RALYL: variants seen among roughly 807,000 people sequenced by gnomAD.
RALYL encodes RALY RNA binding protein like, also known as RNA-binding Raly-like protein.
In RALYL, 29 loss-of-function variants were observed where a neutral mutation model predicts 35.1. The observed-to-expected ratio is 0.83, with a 90% CI of 0.61 to 1.13. RALYL has a LOEUF of 1.13. RALYL is among the 50% of genes most tolerant of loss of function. The probability of loss-of-function intolerance (pLI) is 0.00; values close to 1 mark genes in which losing one functional copy is unlikely to be tolerated. For missense variants in RALYL, 359 were observed against 360.4 expected (o/e 1.00, Z 0.03); for synonymous variants, 120 against 127.6 (o/e 0.94, Z 0.40).
intron 2 of RALYL, among the ~76,000 whole-genome samples, chr8:84,615,570 C>CTTTTTTTTTTTT (rs60428128): frequency 2.6e-3 from 175 of 67,296 alleles, no homozygotes; most frequent in Middle Eastern, 0.011. Context: ...GAACTTTCGT[C>CTTTTTTTTTTTT]TTTTTTTTTT....
At chr8:84,761,100 C>A (rs1812584010) in intron 2 of RALYL, among the ~76,000 whole-genome samples, 1 of 152,032 alleles carries the variant, frequency 6.6e-6, no homozygotes. Context: ...AATAGGGAAT[C>A]TCTTCCATTT....
At chr8:84,340,939 A>G (rs898432971) in intron 1 of RALYL, among the ~76,000 whole-genome samples, 1 of 152,082 alleles carries the variant, frequency 6.6e-6, no homozygotes, top group Non-Finnish European at 1.5e-5. Flanking sequence ...CCAATACTGT[A>G]TAATGGTTCC....
At chr8:84,791,819 A>T (rs1338414510) in intron 3 of RALYL, among the ~76,000 whole-genome samples, 1 of 152,204 alleles carries the variant, frequency 6.6e-6, no homozygotes, top group African/African-American at 2.4e-5. Flanking sequence ...ATATTCAGCG[A>T]TGTGGGCTGA....
At chr8:84,433,256 A>G (rs2047335270) in intron 1 of RALYL, among the ~76,000 whole-genome samples, 1 of 152,146 alleles carries the variant, frequency 6.6e-6, no homozygotes, top group Non-Finnish European at 1.5e-5. Flanking sequence ...CCAGTAGCAC[A>G]TTCACTCCAA....
intron 1 of RALYL, among the ~76,000 whole-genome samples, chr8:84,361,083 T>C (rs1388109553): frequency 2.6e-5 from 4 of 152,088 alleles, no homozygotes; most frequent in African/African-American, 9.7e-5. Context: ...TGGGTCTGAG[T>C]GTAAGCACTA....
chr8:84,806,624 G>A (rs1377557464), intron 4 of RALYL, among the ~76,000 whole-genome samples: 1 of 151,802 alleles, frequency 6.6e-6, no homozygotes, highest in African/African-American at 2.4e-5. Flanking sequence ...AAATTAGCAT[G>A]GCACACATAA....
intron 2 of RALYL, among the ~76,000 whole-genome samples, chr8:84,615,570 C>CTTTTTTTTTTTTTT (rs60428128): frequency 4.9e-4 from 33 of 67,380 alleles, no homozygotes; most frequent in Non-Finnish European, 6.7e-4. Flanking sequence ...GAACTTTCGT[C>CTTTTTTTTTTTTTT]TTTTTTTTTT....
At chr8:84,371,773 T>C (rs755622627) in intron 1 of RALYL, among the ~76,000 whole-genome samples, 11 of 152,214 alleles carry the variant, frequency 7.2e-5, no homozygotes, top group Middle Eastern at 3.4e-3. Context: ...TTGAAGATAA[T>C]GTCTTTATGA....
intron 2 of RALYL, among the ~76,000 whole-genome samples, chr8:84,683,709 C>T (rs1324400643): frequency 6.6e-6 from 1 of 151,988 alleles, no homozygotes; most frequent in Non-Finnish European, 1.5e-5. Flanking sequence ...GGTTTTGAAA[C>T]TGAGTCTCAC....
chr8:84,430,885 G>A (rs1253163806), intron 1 of RALYL, among the ~76,000 whole-genome samples: 1 of 152,090 alleles, frequency 6.6e-6, no homozygotes, highest in African/African-American at 2.4e-5. Context: ...AGATGGAACA[G>A]TGCCTTCCAT....
chr8:84,665,940 A>C (rs575485612), intron 2 of RALYL: 1 of 152,048 alleles, frequency 6.6e-6, no homozygotes, highest in African/African-American at 2.4e-5. Flanking sequence ...ATCATAGTAA[A>C]AAAAATCTGT....
At chr8:84,890,692 C>G (rs1348270484) in intron 8 of RALYL, among the ~76,000 whole-genome samples, 1 of 152,042 alleles carries the variant, frequency 6.6e-6, no homozygotes, top group African/African-American at 2.4e-5. Flanking sequence ...ACTTTGAGAA[C>G]TACTGTTATC....
At position 84,862,420 on chromosome 8, in the gene RALYL, A is replaced by C; in HGVS notation, c.538A>C (p.Arg180=). 1 of 1,606,182 alleles carries C rather than the reference A, an allele frequency of 6.2e-7. No individual in the cohort carries two copies. Among genetic ancestry groups the C allele is most frequent in the South Asian group, 1.1e-5 (1 of 89,644 alleles). ...KGVFSMKGGS[R]STASGSTGSK... is the part of the protein sequence containing the mutation. ...AGTCTTTTCCATGAAAGGTGGATCGAGATCTACTGCCAGTGGGTCAACAGG... is the reference window on the plus strand; with the variant it reads ...AGTCTTTTCCATGAAAGGTGGATCGCGATCTACTGCCAGTGGGTCAACAGG... The change falls in exon 6 of 9, where the codon AGA becomes CGA. Residue 180 remains arginine (R), a synonymous_variant. Coordinates refer to ENST00000521268, the MANE Select transcript of RALYL (RefSeq NM_173848.7).
intron 1 of RALYL, among the ~76,000 whole-genome samples, chr8:84,362,047 G>A (rs1164260588): frequency 1.3e-5 from 2 of 152,154 alleles, no homozygotes; most frequent in East Asian, 3.9e-4. Flanking sequence ...CTGATATGCA[G>A]TAGAAAATTA....
intron 1 of RALYL, among the ~76,000 whole-genome samples, chr8:84,442,291 CT>C: frequency 6.6e-6 from 1 of 152,194 alleles, no homozygotes; most frequent in South Asian, 2.1e-4. Context: ...TATTTTATGG[CT>C]GTTCAGGTTT....
chr8:84,705,445 G>T (rs1841028942), intron 2 of RALYL, among the ~76,000 whole-genome samples: 2 of 152,228 alleles, frequency 1.3e-5, no homozygotes, highest in South Asian at 2.1e-4. Context: ...GTGAAAATGT[G>T]CAATTTCTGT....
At chr8:84,615,949 T>G (rs1445140494) in intron 2 of RALYL, among the ~76,000 whole-genome samples, 44 of 25,778 alleles carry the variant, frequency 1.7e-3, no homozygotes, top group South Asian at 6.0e-3. Flanking sequence ...GGCTGCATAG[T>G]ATTCCATGGT....
intron 1 of RALYL, among the ~76,000 whole-genome samples, chr8:84,460,038 A>G (rs1057447573): frequency 1.3e-5 from 2 of 151,750 alleles, no homozygotes; most frequent in African/African-American, 4.8e-5. Context: ...AGTCGAAGCA[A>G]TGAGATGTGA....
chr8:84,386,445 C>T (rs990387704), intron 1 of RALYL, among the ~76,000 whole-genome samples: 7 of 151,648 alleles, frequency 4.6e-5, no homozygotes, highest in African/African-American at 7.3e-5. Context: ...AAATTGGGAA[C>T]GTTTGACTTT....
Sources: gnomAD v4.1 joint callset for allele counts (sites outside exome capture counted in the v4.1 genomes callset) on GRCh38, gnomAD v4.1.1 for gene constraint, MANE v1.5 for transcripts, NCBI Gene and HGNC (gene_info 2026-07-23, HGNC 2026-07-21) for gene names.